NAA10: variants seen among roughly 807,000 people sequenced by gnomAD.
NAA10 encodes the protein N-alpha-acetyltransferase 10, NatA catalytic subunit, also known as N-alpha-acetyltransferase 10.
Under a neutral mutation model 19.2 loss-of-function variants are expected in NAA10, and 6 were observed. The observed-to-expected ratio is 0.31, with a 90% CI of 0.17 to 0.62. NAA10 has a LOEUF of 0.62. Among genes scored for constraint, NAA10 ranks in the 20% least tolerant of loss-of-function variants. The pLI is 0.83. For missense variants in NAA10, 101 were observed against 198.4 expected (o/e 0.51, Z 2.95); for synonymous variants, 97 against 79.9 (o/e 1.21, Z -1.14).
intron 3 of NAA10, 84 bp downstream of exon 3, chrX:153,933,859 G>C: frequency 2.3e-6 from 2 of 856,979 alleles, no homozygotes; most frequent in South Asian, 4.3e-5. Flanking sequence ...GTACTGAAAA[G>C]AAGAAGCCTA....
intron 2 of NAA10, 168 bp downstream of exon 2, chrX:153,934,209 C>T: frequency 1.1e-5 from 6 of 557,192 alleles, no homozygotes; most frequent in Non-Finnish European, 1.8e-5. Context: ...CTGCTCCCTT[C>T]GGGCGCCTTC....
chrX:153,934,570 C>T, intron 1 of NAA10, 95 bp from the exon 2 acceptor site: 3 of 718,931 alleles, frequency 4.2e-6, no homozygotes, highest in Non-Finnish European at 4.3e-6. Context: ...CGGCCCCGCT[C>T]CCTCGGGGCT....
chrX:153,932,960 A>G, intron 3 of NAA10: 1 of 238,446 alleles, frequency 4.2e-6, no homozygotes, highest in Non-Finnish European at 7.7e-6. Context: ...GGCAGACATG[A>G]GAGGATCACT....
intron 6 of NAA10, 183 bp downstream of exon 6, chrX:153,931,888 C>G: frequency 8.8e-7 from 1 of 1,135,655 alleles, no homozygotes; most frequent in Middle Eastern, 3.5e-4. Context: ...GTCTCCATGC[C>G]GGCTTTTCAA....
In NAA10 at chrX:153,932,126, A is replaced by T; in HGVS notation, c.342-11T>A. ...AGGGCGGCCCGGTTACTGCAGGGGA[A>T]CAAGGCACTGCTGAGCTGCACGGAT... On this transcript the variant is annotated splice_polypyrimidine_tract_variant and intron_variant, in intron 5 of 7. Transcript: ENST00000464845. 1 of 1,211,736 alleles carries T rather than the reference A, an allele frequency of 8.3e-7. No homozygotes were observed. The highest frequency in any genetic ancestry group is 1.1e-6 in the Non-Finnish European group (1 of 895,416).
chrX:153,930,979 G>A, intron 6 of NAA10, 132 bp from the exon 7 acceptor site: 11 of 1,194,990 alleles, frequency 9.2e-6, no homozygotes, highest in African/African-American at 1.7e-5. Context: ...GAGACAACAA[G>A]TCCAGTGTGA....
At position 153,929,616 on chromosome X, in the gene NAA10, A is replaced by G. The variant is rs1039644421; in HGVS notation, c.*371T>C. 5 of 236,112 alleles carry G rather than the reference A, an allele frequency of 2.1e-5. No homozygotes were observed. Among genetic ancestry groups the G allele is most frequent in the Non-Finnish European group, 3.8e-5 (5 of 132,141 alleles). 19.5% of individuals were successfully genotyped at this position (236,112 alleles called of 1,213,427 possible). ...GAAGGTGAAGGTGGGAAGAGAACTG[A>G]AGGCCACCAAGAGTGGGAGCCCTGC... On this transcript the variant is annotated 3_prime_UTR_variant, in exon 8 of 8. Coordinates refer to ENST00000464845, the MANE Select transcript of NAA10 (RefSeq NM_003491.4).
chrX:153,931,361 A>G, intron 6 of NAA10: 1 of 836,119 alleles, frequency 1.2e-6, no homozygotes, highest in Non-Finnish European at 1.4e-6. Flanking sequence ...TTAGCTATAA[A>G]GCAATTCCCA....
intron 6 of NAA10, chrX:153,931,685 C>A: frequency 1.1e-6 from 1 of 902,025 alleles, no homozygotes; most frequent in Non-Finnish European, 1.4e-6. Flanking sequence ...CTCGATTCTG[C>A]TCTCTCTTGG....
At chrX:153,934,311 C>T (rs782510512) in intron 2 of NAA10, 66 bp downstream of exon 2, 156 of 964,102 alleles carry the variant, frequency 1.6e-4, no homozygotes, top group Non-Finnish European at 2.2e-4. Context: ...CCACTCCCTC[C>T]AAGATGGCCA....
At chrX:153,932,680 C>A (rs1445251674) in intron 3 of NAA10, 96 bp from the exon 4 acceptor site, 2 of 785,630 alleles carry the variant, frequency 2.5e-6, no homozygotes, top group Non-Finnish European at 3.8e-6. Flanking sequence ...TGCACTACAG[C>A]CCCCTAAGAC....
At chrX:153,931,720 T>G in intron 6 of NAA10, 1 of 969,673 alleles carries the variant, frequency 1.0e-6, no homozygotes, top group Non-Finnish European at 1.3e-6. Flanking sequence ...TTGGTCATGC[T>G]TGAGTCCTGC....
At chrX:153,930,900 C>G in intron 6 of NAA10, 53 bp from the exon 7 acceptor site, 1 of 1,211,204 alleles carries the variant, frequency 8.3e-7, no homozygotes, top group Non-Finnish European at 1.1e-6. Flanking sequence ...CCGGGGACAC[C>G]CTCCTCCACT....
chrX:153,929,775 A>C lies in NAA10; in HGVS notation c.*212T>G, dbSNP rs1237407897. The C allele has an allele frequency of 1.8e-5, 8 of 436,892 alleles. No homozygotes were observed. The highest frequency in any genetic ancestry group is 3.8e-5 in the East Asian group (1 of 26,606). 36.0% of individuals were successfully genotyped at this position (436,892 alleles called of 1,213,427 possible). A position where few individuals can be genotyped will look rare whatever the true frequency, so the allele number is the denominator to read the frequency against. On this transcript the variant is annotated 3_prime_UTR_variant, in exon 8 of 8. Transcript: ENST00000464845. ...CCCGGGGCCACAGCTGCTGAAGGTC[A>C]TGAGACTAGGGAGTCCCACCTCCAA... is the stretch of plus-strand genomic sequence containing the variant.
chrX:153,933,823 T>A, intron 3 of NAA10, 120 bp downstream of exon 3: 1 of 639,423 alleles, frequency 1.6e-6, no homozygotes, highest in Non-Finnish European at 2.5e-6. Flanking sequence ...GTCCTTTCTG[T>A]TCAATTTTTC....
At position 153,932,906 on chromosome X, in the gene NAA10, A is replaced by C; in HGVS notation, c.180-322T>G. ...TCTACAAAAAAAAAATCAAAAAATT[A>C]GCTGGATGTGGTGGCGCATGCCTGT... On this transcript the variant is annotated intron_variant, in intron 3 of 7. Transcript: ENST00000464845. The C allele has an allele frequency of 9.4e-6, 3 of 319,396 alleles. No homozygotes were observed. In the South Asian group the frequency reaches 1.2e-4, roughly 13 times the overall value. 26.3% of individuals were successfully genotyped at this position (319,396 alleles called of 1,213,427 possible).
intron 1 of NAA10, 35 bp downstream of exon 1, chrX:153,934,849 C>T: frequency 1.0e-6 from 1 of 990,655 alleles, no homozygotes. Flanking sequence ...CCGGCGCCCA[C>T]GCGGCGCGGA....
Position 153,934,887 on chromosome X carries a change from C to T in NAA10, c.18G>A (p.Ala6=). 1 of 1,008,640 alleles carries T rather than the reference C, an allele frequency of 9.9e-7. No individual in the cohort carries two copies. Among genetic ancestry groups the T allele is most frequent in the Non-Finnish European group, 1.3e-6 (1 of 788,879 alleles). 83.1% of individuals were successfully genotyped at this position (1,008,640 alleles called of 1,213,427 possible). A position where few individuals can be genotyped will look rare whatever the true frequency, so the allele number is the denominator to read the frequency against. The change falls in exon 1 of 8, where the codon GCG becomes GCA. Residue 6 remains alanine, a synonymous_variant. Transcript: ENST00000464845. Reference sequence around the variant, plus strand: ...GCCTCCCGCCCCGGGCGCTCACCCTCGCATTGCGGATGTTCATAACGGCGG... The same window carrying T: ...GCCTCCCGCCCCGGGCGCTCACCCTTGCATTGCGGATGTTCATAACGGCGG... MNIRN[A]RPEDLMNMQH... is the part of the protein sequence containing the mutation.
chrX:153,932,263 G>A lies in NAA10; in HGVS notation c.341+53C>T, dbSNP rs189017248. The stretch of plus-strand genomic sequence containing the variant: ...AAAGCTGAGGTACCCCAGGACCCCC[G>A]TCAAGGCAGTATCTCTCCCCCTCAA... On this transcript the variant is annotated intron_variant, in intron 5 of 7. Transcript: ENST00000464845. 8.2e-5 allele frequency: 93 copies of A among 1,136,335 alleles called. 1 individual carries two copies. In the African/African-American group the frequency reaches 1.4e-3, roughly 18 times the overall value. The allele number at this position is 1,136,335 out of a possible 1,213,427, so 93.6% of individuals were successfully genotyped here.
Sources: allele counts gnomAD v4.1 joint callset, GRCh38; gene constraint gnomAD v4.1.1; transcripts MANE v1.5; gene names NCBI Gene and HGNC (gene_info 2026-07-23, HGNC 2026-07-21).